The following ODAD2 variants were observed in gnomAD, a reference collection of about 807,000 sequenced individuals.
The protein encoded by ODAD2 is outer dynein arm docking complex subunit 2.
A neutral mutation model predicts 106.8 loss-of-function variants in ODAD2; 89 were observed. That is an observed-to-expected ratio of 0.83 (90% CI 0.70 to 0.99). ODAD2 has a LOEUF of 0.99. ODAD2 is among the 50% of genes least tolerant of loss of function. ODAD2 has a pLI of 0.00. For synonymous variants in ODAD2, 404 were observed against 436.2 expected (o/e 0.93, Z 0.92); for missense variants, 1,168 against 1,238.5 (o/e 0.94, Z 0.85).
chr10:27,868,517 T>A (rs1174586897), intron 17 of ODAD2, among the ~76,000 whole-genome samples: 4 of 152,154 alleles, frequency 2.6e-5, no homozygotes, highest in African/African-American at 4.8e-5. Context: ...AGGAATGAGA[T>A]CATGTTCTTT....
intron 16 of ODAD2, among the ~76,000 whole-genome samples, chr10:27,926,562 A>G (rs975406050): frequency 6.6e-6 from 1 of 152,306 alleles, no homozygotes; most frequent in African/African-American, 2.4e-5. Context: ...TACTATGACT[A>G]TGTAAGATGT....
In ODAD2 at chr10:27,961,631, C is replaced by T; in HGVS notation, c.1323G>A (p.Gln441=). 1 of 1,611,512 alleles carries T rather than the reference C, an allele frequency of 6.2e-7. No homozygotes were observed. Among genetic ancestry groups the T allele is most frequent in the Non-Finnish European group, 8.5e-7 (1 of 1,178,062 alleles). The change falls in exon 10 of 20, where the codon CAG becomes CAA. Residue 441 remains glutamine (Q), a synonymous_variant. Coordinates refer to ENST00000305242, the MANE Select transcript of ODAD2 (RefSeq NM_018076.5). ...EEDEEPPDHR[Q]EASADLPSEY... is the part of the protein sequence containing the mutation. Reference sequence around the variant, plus strand: ...CTGATGGCAAATCTGCACTTGCTTCCTGACGATGGTCAGGTGGTTCTTCAT... The same window carrying T: ...CTGATGGCAAATCTGCACTTGCTTCTTGACGATGGTCAGGTGGTTCTTCAT...
intron 17 of ODAD2, among the ~76,000 whole-genome samples, chr10:27,867,708 G>A (rs140682249): frequency 3.9e-3 from 590 of 152,288 alleles, no homozygotes; most frequent in Non-Finnish European, 5.7e-3. Flanking sequence ...TCAGCACTTT[G>A]GAAGGCTGAG....
At chr10:27,984,064 T>C in intron 5 of ODAD2, 85 bp from the exon 6 acceptor site, 1 of 1,542,776 alleles carries the variant, frequency 6.5e-7, no homozygotes, top group Non-Finnish European at 8.8e-7. Flanking sequence ...ATAAATATTG[T>C]GGAAATTTTA....
chr10:27,861,486 T>G (rs1266616145), intron 18 of ODAD2, among the ~76,000 whole-genome samples: 1 of 152,216 alleles, frequency 6.6e-6, no homozygotes, highest in African/African-American at 2.4e-5. Flanking sequence ...TATTTTGTAA[T>G]CCAAATATTT....
chr10:27,896,708 T>C (rs979751974), intron 17 of ODAD2, among the ~76,000 whole-genome samples: 21 of 152,158 alleles, frequency 1.4e-4, no homozygotes, highest in African/African-American at 4.6e-4. Context: ...CCTGTCTTTT[T>C]TTCTCCATCT....
intron 17 of ODAD2, among the ~76,000 whole-genome samples, chr10:27,865,019 G>A (rs561599824): frequency 3.3e-5 from 5 of 152,220 alleles, no homozygotes; most frequent in African/African-American, 9.6e-5. Flanking sequence ...ATTAGAAACC[G>A]TAAATCTGAT....
intron 19 of ODAD2, among the ~76,000 whole-genome samples, chr10:27,820,193 T>C (rs1012517358): frequency 6.6e-6 from 1 of 152,126 alleles, no homozygotes; most frequent in Non-Finnish European, 1.5e-5. Flanking sequence ...TGGACACCAA[T>C]GGCCCAGGCT....
chr10:27,831,318 G>A (rs1001618837), intron 19 of ODAD2, among the ~76,000 whole-genome samples: 3 of 152,040 alleles, frequency 2.0e-5, no homozygotes, highest in Non-Finnish European at 4.4e-5. Flanking sequence ...CACCGAAAAC[G>A]ACATTCCCCT....
rs142231437 is a variant in ODAD2, at chr10:27,942,200, C to T, written c.1744-1395G>A. 2.6e-3 allele frequency among the ~76,000 whole-genome samples: 402 copies of T among 152,322 alleles called. 6 individuals carry two copies. The highest frequency in any genetic ancestry group is 8.9e-3 in the African/African-American group (372 of 41,572). On this transcript the variant is annotated intron_variant, in intron 12 of 19. Transcript: ENST00000305242. ...GGTGCTCCTCACAATCTTTGCCTTG[C>T]AAAAATTTATTCCTTGATTTAACCC...
intron 17 of ODAD2, among the ~76,000 whole-genome samples, chr10:27,885,632 ATATATAT>A: frequency 1.5e-5 from 1 of 67,190 alleles, no homozygotes; most frequent in African/African-American, 6.6e-5. Flanking sequence ...AATATATAAA[ATATATAT>A]TATATATATT....
chr10:27,850,627 C>G (rs1422063740), intron 19 of ODAD2, among the ~76,000 whole-genome samples: 2 of 152,012 alleles, frequency 1.3e-5, no homozygotes, highest in Admixed American at 1.3e-4. Flanking sequence ...CCCTAACTTT[C>G]TATAAATTTA....
intron 17 of ODAD2, among the ~76,000 whole-genome samples, chr10:27,888,858 C>T (rs974857846): frequency 1.3e-5 from 2 of 152,154 alleles, no homozygotes; most frequent in Non-Finnish European, 2.9e-5. Flanking sequence ...TGGATGTTCA[C>T]ATGCAAAAGA....
intron 19 of ODAD2, 133 bp downstream of exon 19, chr10:27,860,492 C>T: frequency 1.3e-6 from 1 of 750,768 alleles, no homozygotes; most frequent in Middle Eastern, 3.9e-4. Flanking sequence ...GGCTTGAATG[C>T]AGCCATGATG....
chr10:27,945,609 G>A (rs532887092), intron 10 of ODAD2, among the ~76,000 whole-genome samples: 106 of 152,276 alleles, frequency 7.0e-4, no homozygotes, highest in Non-Finnish European at 1.2e-3. Flanking sequence ...TACATGTAAA[G>A]AGTAGTAGTG....
chr10:27,965,331 C>A (rs1178457408), intron 9 of ODAD2, among the ~76,000 whole-genome samples: 1 of 152,114 alleles, frequency 6.6e-6, no homozygotes, highest in Admixed American at 6.6e-5. Context: ...AAAAGAAGAT[C>A]TGAAGGAGAA....
At chr10:27,906,903 A>T (rs1194478739) in intron 17 of ODAD2, among the ~76,000 whole-genome samples, 2 of 152,148 alleles carry the variant, frequency 1.3e-5, no homozygotes, top group African/African-American at 4.8e-5. Context: ...TAGGAGAAAT[A>T]CCTAATGTAG....
chr10:27,815,748 C>G (rs1217239137), intron 19 of ODAD2, among the ~76,000 whole-genome samples: 1 of 152,100 alleles, frequency 6.6e-6, no homozygotes, highest in Non-Finnish European at 1.5e-5. Flanking sequence ...TGTTTTCATT[C>G]TGTTCCCCCT....
chr10:27,836,990 C>T (rs1158745599), intron 19 of ODAD2, among the ~76,000 whole-genome samples: 1 of 152,160 alleles, frequency 6.6e-6, no homozygotes, highest in Non-Finnish European at 1.5e-5. Flanking sequence ...TTAAGTCAGG[C>T]TCTTGAGTTG....
Sources: allele counts gnomAD v4.1 joint callset (sites outside exome capture counted in the v4.1 genomes callset), GRCh38; gene constraint gnomAD v4.1.1; transcripts MANE v1.5; gene names NCBI Gene and HGNC (gene_info 2026-07-23, HGNC 2026-07-21).